DTHD1: variants seen among roughly 807,000 people sequenced by gnomAD.
DTHD1 encodes the protein death domain-containing protein 1.
Under a neutral mutation model 74.8 loss-of-function variants are expected in DTHD1, and 59 were observed. The observed-to-expected ratio is 0.79, with a 90% CI of 0.64 to 0.98. DTHD1 has a LOEUF of 0.98. Among genes scored for constraint, DTHD1 ranks in the 50% least tolerant of loss-of-function variants. The pLI is 0.00. For synonymous variants in DTHD1, 365 were observed against 371.1 expected (o/e 0.98, Z 0.19); for missense variants, 1,051 against 1,065.4 (o/e 0.99, Z 0.19).
At position 36,294,768 on chromosome 4, in the gene DTHD1, A is replaced by G. The variant is rs543438501; in HGVS notation, c.1399-27A>G. The G allele has an allele frequency of 1.4e-4, 203 of 1,491,886 alleles. No individual in the cohort carries two copies. The African/African-American group carries it at 2.4e-3, about 17-fold the overall frequency. The allele number at this position is 1,491,886 out of a possible 1,614,324, so 92.4% of individuals were successfully genotyped here. A position where few individuals can be genotyped will look rare whatever the true frequency, so the allele number is the denominator to read the frequency against. On this transcript the variant is annotated intron_variant, in intron 4 of 9. Transcript: ENST00000639862. The stretch of plus-strand genomic sequence containing the variant: ...TAGTTTGCATCTTTTCTATTAAAAC[A>G]TAAGAAAAAATATATTTTTTGTTTA...
intron 5 of DTHD1, among the ~76,000 whole-genome samples, chr4:36,303,223 C>A (rs1426298952): frequency 6.6e-6 from 1 of 152,202 alleles, no homozygotes; most frequent in Admixed American, 6.5e-5. Flanking sequence ...AGTTGTCAAA[C>A]TTTGCAATTA....
intron 2 of DTHD1, among the ~76,000 whole-genome samples, chr4:36,285,154 A>G (rs1484897655): frequency 6.6e-6 from 1 of 152,192 alleles, no homozygotes; most frequent in Non-Finnish European, 1.5e-5. Context: ...TAAGAAACAA[A>G]CACATTACAT....
intron 4 of DTHD1, among the ~76,000 whole-genome samples, chr4:36,294,143 G>T (rs1237033631): frequency 2.6e-5 from 4 of 151,722 alleles, no homozygotes. Context: ...CATTTTCTGG[G>T]AGTAAGGATT....
chr4:36,334,707 G>C lies in DTHD1; in HGVS notation c.2341-4405G>C, dbSNP rs2109565869. 2.6e-5 allele frequency among the ~76,000 whole-genome samples: 4 copies of C among 152,352 alleles called. No individual in the cohort carries two copies. In the South Asian group the frequency reaches 8.3e-4, roughly 32 times the overall value. On this transcript the variant is annotated intron_variant, in intron 8 of 9. Coordinates refer to ENST00000639862, the MANE Select transcript of DTHD1 (RefSeq NM_001170700.3). ...ATAGAAAACTAAACGCCTCGTGAGA[G>C]AGTGGTAGACAGGGTGTAAGGCATG...
At chr4:36,283,476 A>C (rs946555419) in intron 1 of DTHD1, among the ~76,000 whole-genome samples, 1 of 152,218 alleles carries the variant, frequency 6.6e-6, no homozygotes, top group Non-Finnish European at 1.5e-5. Context: ...TAGGCTCCAA[A>C]ACAAAGCATC....
chr4:36,285,583 C>T (rs532904230), intron 2 of DTHD1, among the ~76,000 whole-genome samples: 2 of 151,412 alleles, frequency 1.3e-5, no homozygotes, highest in African/African-American at 2.4e-5. Flanking sequence ...CCTATTTGTC[C>T]GTATAAAATA....
chr4:36,320,118 TA>T (rs1241443679), intron 8 of DTHD1, among the ~76,000 whole-genome samples: 1 of 152,226 alleles, frequency 6.6e-6, no homozygotes, highest in Non-Finnish European at 1.5e-5. Context: ...TTTTCTGAAA[TA>T]TTTTTTTTTC....
intron 8 of DTHD1, among the ~76,000 whole-genome samples, chr4:36,336,740 G>A (rs1759030340): frequency 6.6e-6 from 1 of 152,190 alleles, no homozygotes; most frequent in Non-Finnish European, 1.5e-5. Flanking sequence ...ATGGTTCACA[G>A]AAGTGCCTGG....
At position 36,316,352 on chromosome 4, in the gene DTHD1, C is replaced by G. The variant is rs1167679211; in HGVS notation, c.2206C>G (p.Pro736Ala). The change falls in exon 8 of 10, where the codon CCT becomes GCT. Residue 736 changes from proline to alanine, a missense_variant. Pro to Ala is a conservative substitution (Grantham distance 27). Coordinates refer to ENST00000639862, the MANE Select transcript of DTHD1 (RefSeq NM_001170700.3). Reference protein sequence around the residue: ...EVDEFGNYSCPHYKGTIVVYK... With the variant: ...EVDEFGNYSCAHYKGTIVVYK... ...GGACGAATTTGGAAACTATAGTTGC[C>G]CTCATTACAAAGGCACCATTGTCGT... is the stretch of plus-strand genomic sequence containing the variant. 1 of 1,551,990 alleles carries G rather than the reference C, an allele frequency of 6.4e-7. No individual in the cohort carries two copies. The highest frequency in any genetic ancestry group is 2.0e-5 in the Admixed American group (1 of 50,978).
At chr4:36,287,330 A>G (rs1755770913) in intron 2 of DTHD1, among the ~76,000 whole-genome samples, 1 of 152,224 alleles carries the variant, frequency 6.6e-6, no homozygotes, top group Non-Finnish European at 1.5e-5. Flanking sequence ...ATGGCTGAAT[A>G]GTATTCCAGG....
rs75643493 is a variant in DTHD1 at position 36,293,508 on chromosome 4, G to A, written c.1219-18G>A. 31 of 1,477,346 alleles carry A rather than the reference G, an allele frequency of 2.1e-5. 1 individual carries two copies. The highest frequency in any genetic ancestry group is 4.7e-5 in the Admixed American group (2 of 42,232). 91.5% of individuals were successfully genotyped at this position (1,477,346 alleles called of 1,614,324 possible). ...AATCAGTGCTATAGCTTATTTTAAT[G>A]TTCTTTATTCTATACAGGGGACCTG... On this transcript the variant is annotated intron_variant, in intron 3 of 9. Transcript: ENST00000639862.
At chr4:36,324,654 T>C (rs905903826) in intron 8 of DTHD1, among the ~76,000 whole-genome samples, 1 of 152,112 alleles carries the variant, frequency 6.6e-6, no homozygotes, top group Non-Finnish European at 1.5e-5. Context: ...CTGTAAGGCC[T>C]AAAAGTGATA....
chr4:36,316,496 T>G lies in DTHD1; in HGVS notation c.2340+10T>G. 1 of 1,542,488 alleles carries G rather than the reference T, an allele frequency of 6.5e-7. No homozygotes were observed. ...ATTGAAATTGCCAAAGGTGAGTTAT[T>G]TTACTTTTCTAATTACTACATTTTG... On this transcript the variant is annotated intron_variant, in intron 8 of 9. Coordinates refer to ENST00000639862, the MANE Select transcript of DTHD1 (RefSeq NM_001170700.3).
chr4:36,329,290 C>T (rs1183399707), intron 8 of DTHD1, among the ~76,000 whole-genome samples: 2 of 152,088 alleles, frequency 1.3e-5, no homozygotes, highest in Non-Finnish European at 2.9e-5. Context: ...TGGTTTTTCT[C>T]TTTACCTAAA....
chr4:36,333,355 A>T (rs1488570603), intron 8 of DTHD1: 2 of 152,084 alleles, frequency 1.3e-5, no homozygotes, highest in African/African-American at 2.4e-5. Flanking sequence ...GAAGGAAAAA[A>T]GTTTTAATTA....
chr4:36,335,079 G>C (rs975388822), intron 8 of DTHD1, among the ~76,000 whole-genome samples: 11 of 152,218 alleles, frequency 7.2e-5, no homozygotes, highest in African/African-American at 2.7e-4. Flanking sequence ...TAGATAAATT[G>C]TGTGATAGTA....
chr4:36,284,683 A>G (rs1755601569), intron 2 of DTHD1, 92 bp downstream of exon 2: 2 of 981,666 alleles, frequency 2.0e-6, no homozygotes, highest in East Asian at 2.7e-5. Flanking sequence ...TCAGGCTGCT[A>G]CAACAAAACA....
intron 9 of DTHD1, among the ~76,000 whole-genome samples, chr4:36,341,664 A>G (rs114363157): frequency 7.3e-4 from 111 of 152,354 alleles, no homozygotes; most frequent in African/African-American, 1.9e-3. Context: ...CAGGCAGCCC[A>G]GGTAACTGAA....
chr4:36,337,051 C>T (rs1001887992), intron 8 of DTHD1, among the ~76,000 whole-genome samples: 1 of 152,040 alleles, frequency 6.6e-6, no homozygotes, highest in East Asian at 1.9e-4. Flanking sequence ...GAGGGGAGAC[C>T]GCACGAGGCC....
Sources: allele counts gnomAD v4.1 joint callset (sites outside exome capture counted in the v4.1 genomes callset), GRCh38; gene constraint gnomAD v4.1.1; transcripts MANE v1.5; gene names NCBI Gene and HGNC (gene_info 2026-07-23, HGNC 2026-07-21).